The following NDUFAF6 variants were observed in gnomAD, a reference collection of about 807,000 sequenced individuals.
NDUFAF6 encodes the protein NADH:ubiquinone oxidoreductase complex assembly factor 6.
A neutral mutation model predicts 40.8 loss-of-function variants in NDUFAF6; 45 were observed. That is an observed-to-expected ratio of 1.10 (90% CI 0.87 to 1.42). The LOEUF is 1.42. Ranked by LOEUF, NDUFAF6 falls within the 40% of genes most tolerant of loss-of-function variation. NDUFAF6 has a pLI of 0.00. For synonymous variants in NDUFAF6, 185 were observed against 155.9 expected (o/e 1.19, Z -1.39); for missense variants, 435 against 418.5 (o/e 1.04, Z -0.34).
At chr8:95,053,784 C>T (rs1831732141) in intron 8 of NDUFAF6, among the ~76,000 whole-genome samples, 1 of 151,910 alleles carries the variant, frequency 6.6e-6, no homozygotes, top group Admixed American at 6.6e-5. Flanking sequence ...CACCACCATG[C>T]CTGGCTGATT....
intron 2 of NDUFAF6, among the ~76,000 whole-genome samples, chr8:94,997,335 CACACACACAGAG>C (rs1407958995): frequency 1.0e-4 from 14 of 137,490 alleles, no homozygotes; most frequent in Admixed American, 4.5e-4. Context: ...CACACACACA[CACACACACAGAG>C]AGAGAGAGAG....
At chr8:95,057,445 G>A (rs1442179892) in intron 8 of NDUFAF6, among the ~76,000 whole-genome samples, 1 of 152,120 alleles carries the variant, frequency 6.6e-6, no homozygotes, top group African/African-American at 2.4e-5. Context: ...ACATTTGGGG[G>A]GTCGGGGTGG....
intron 2 of NDUFAF6, among the ~76,000 whole-genome samples, chr8:94,983,254 T>C (rs954012147): frequency 6.8e-6 from 1 of 147,192 alleles, no homozygotes; most frequent in African/African-American, 2.6e-5. Context: ...ATCTTTGCTA[T>C]TCTTTTTTTT....
chr8:95,082,363 G>T (rs1229257350), intron 2 of NDUFAF6, among the ~76,000 whole-genome samples: 1 of 152,056 alleles, frequency 6.6e-6, no homozygotes, highest in African/African-American at 2.4e-5. Flanking sequence ...AGGAAATGGG[G>T]TGGGTGCTGT....
At chr8:94,922,583 A>C (rs2467672) in intron 1 of NDUFAF6, among the ~76,000 whole-genome samples, 1 of 151,564 alleles carries the variant, frequency 6.6e-6, no homozygotes, top group Non-Finnish European at 1.5e-5. Context: ...GGTTCAAGCA[A>C]TTCTCCTGCC....
chr8:95,092,881 C>T (rs2132066182), intron 2 of NDUFAF6, among the ~76,000 whole-genome samples: 1 of 152,350 alleles, frequency 6.6e-6, no homozygotes, highest in South Asian at 2.1e-4. Context: ...CCGCTCCCGG[C>T]CTGCTGAAGC....
chr8:95,025,105 A>T lies in NDUFAF6; in HGVS notation c.97A>T (p.Met33Leu). ...GCCGCCTCTGGGTCTGTACGCGCGC[A>T]TGCGGCGGCTGCCCGGGCCGGAGGT... is the stretch of plus-strand genomic sequence containing the variant. ...RRPPLGLYAR[M>L]RRLPGPEVSG... The change falls in exon 1 of 9, where the codon ATG becomes TTG. Residue 33 changes from methionine to leucine, a missense_variant. By Grantham distance (15) the Met-to-Leu change is conservative. Coordinates refer to ENST00000396124, the MANE Select transcript of NDUFAF6 (RefSeq NM_152416.4). 1 of 1,482,394 alleles carries T rather than the reference A, an allele frequency of 6.7e-7. No homozygotes were observed. Among genetic ancestry groups the T allele is most frequent in the Non-Finnish European group, 8.9e-7 (1 of 1,126,804 alleles). The allele number at this position is 1,482,394 out of a possible 1,614,324, so 91.8% of individuals were successfully genotyped here.
chr8:95,029,301 A>G (rs1420310102), intron 1 of NDUFAF6, among the ~76,000 whole-genome samples: 1 of 152,236 alleles, frequency 6.6e-6, no homozygotes, highest in Non-Finnish European at 1.5e-5. Context: ...ATTTTCAAGT[A>G]ATTGTAAATT....
chr8:95,010,413 G>C (rs572979230), intron 2 of NDUFAF6, among the ~76,000 whole-genome samples: 2 of 152,216 alleles, frequency 1.3e-5, no homozygotes, highest in South Asian at 2.1e-4. Flanking sequence ...AGGGCTCTAT[G>C]GACATATGCT....
chr8:95,072,739 T>C (rs1315630897), intron 9 of NDUFAF6: 1 of 153,002 alleles, frequency 6.5e-6, no homozygotes, highest in East Asian at 1.9e-4. Context: ...ATGTGTGTGG[T>C]GGTGCAAGCC....
chr8:95,026,576 A>C (rs1272910955), intron 1 of NDUFAF6, among the ~76,000 whole-genome samples: 1 of 152,246 alleles, frequency 6.6e-6, no homozygotes, highest in Non-Finnish European at 1.5e-5. Context: ...AAAAAATTGT[A>C]AAAGCCAAAA....
intron 2 of NDUFAF6, among the ~76,000 whole-genome samples, chr8:95,082,596 G>A (rs1024304097): frequency 6.6e-6 from 1 of 151,612 alleles, no homozygotes; most frequent in Non-Finnish European, 1.5e-5. Flanking sequence ...GGGGTGGGAG[G>A]AGCTTTCATA....
intron 2 of NDUFAF6, among the ~76,000 whole-genome samples, chr8:94,985,918 G>C (rs1022073910): frequency 3.3e-5 from 5 of 149,332 alleles, no homozygotes; most frequent in Non-Finnish European, 7.4e-5. Flanking sequence ...CTATCGCCCA[G>C]GCTGGAGTGC....
At chr8:94,980,372 C>A (rs1055730348) in intron 1 of NDUFAF6, among the ~76,000 whole-genome samples, 3 of 150,952 alleles carry the variant, frequency 2.0e-5, no homozygotes, top group Non-Finnish European at 4.4e-5. Flanking sequence ...TGGGGTGTAT[C>A]CCAAGAAAGG....
intron 3 of NDUFAF6, among the ~76,000 whole-genome samples, chr8:95,035,840 A>G (rs906347247): frequency 1.3e-5 from 2 of 152,266 alleles, no homozygotes; most frequent in African/African-American, 4.8e-5. Context: ...CCACATTTCC[A>G]TATTTGCCTG....
intron 1 of NDUFAF6, among the ~76,000 whole-genome samples, chr8:94,919,805 C>G (rs921040335): frequency 6.6e-6 from 1 of 152,196 alleles, no homozygotes; most frequent in Non-Finnish European, 1.5e-5. Context: ...ATTCCAGGTG[C>G]TCTGTATTAT....
intron 1 of NDUFAF6, among the ~76,000 whole-genome samples, chr8:94,980,431 G>C (rs1340642943): frequency 1.4e-5 from 2 of 147,392 alleles, no homozygotes; most frequent in Admixed American, 1.4e-4. Context: ...ACTGTCAACT[G>C]TGGTTTTTTT....
chr8:95,074,098 C>T (rs1832958718), intron 9 of NDUFAF6, among the ~76,000 whole-genome samples: 1 of 151,910 alleles, frequency 6.6e-6, no homozygotes, highest in Non-Finnish European at 1.5e-5. Context: ...TGGGATGGAA[C>T]AAGGTTGGCT....
At chr8:94,961,741 T>C (rs1332040860) in intron 1 of NDUFAF6, among the ~76,000 whole-genome samples, 1 of 152,192 alleles carries the variant, frequency 6.6e-6, no homozygotes, top group East Asian at 1.9e-4. Flanking sequence ...CCATTATTAC[T>C]GCCATTTTAT....
Sources: gnomAD v4.1 joint callset for allele counts (sites outside exome capture counted in the v4.1 genomes callset) on GRCh38, gnomAD v4.1.1 for gene constraint, MANE v1.5 for transcripts, NCBI Gene and HGNC (gene_info 2026-07-23, HGNC 2026-07-21) for gene names.